Variants in MACROD2 observed in about 807,000 individuals in gnomAD.
MACROD2 encodes the protein ADP-ribose glycohydrolase MACROD2.
Under a neutral mutation model 70.4 loss-of-function variants are expected in MACROD2, and 36 were observed. The observed-to-expected ratio is 0.51, with a 90% CI of 0.39 to 0.68. MACROD2 has a LOEUF of 0.68. Among genes scored for constraint, MACROD2 ranks in the 30% least tolerant of loss-of-function variants. The probability of loss-of-function intolerance (pLI) is 0.00; values close to 1 mark genes in which losing one functional copy is unlikely to be tolerated. For synonymous variants in MACROD2, 172 were observed against 178.8 expected, an observed-to-expected ratio of 0.96 and a Z score of 0.30; for missense variants, 496 against 538.4, an observed-to-expected ratio of 0.92 and a Z score of 0.78.
chr20:15,255,209 A>G (rs529595431), intron 6 of MACROD2, among the ~76,000 whole-genome samples: 130 of 152,232 alleles, frequency 8.5e-4, no homozygotes, highest in Non-Finnish European at 1.6e-3. Flanking sequence ...CTTCATTTTT[A>G]TCCTGTACTC....
intron 3 of MACROD2, among the ~76,000 whole-genome samples, chr20:14,443,831 G>C (rs1455486013): frequency 6.6e-6 from 1 of 152,042 alleles, no homozygotes; most frequent in Admixed American, 6.5e-5. Flanking sequence ...TGCAAGATAG[G>C]AATAATCACA....
chr20:15,158,994 G>A (rs1162089051), intron 5 of MACROD2, among the ~76,000 whole-genome samples: 2 of 151,948 alleles, frequency 1.3e-5, no homozygotes, highest in Non-Finnish European at 2.9e-5. Context: ...CAAATGCATA[G>A]GCCAGTATCT....
rs553190441 is a variant in MACROD2, at chr20:14,577,217, T to A, written c.301+83709T>A. Among the ~76,000 whole-genome samples, 489 of 152,308 alleles carry A rather than the reference T, an allele frequency of 3.2e-3. 11 individuals carry two copies. The highest frequency in any genetic ancestry group is 2.9e-4 in the Non-Finnish European group (20 of 68,012). Reference sequence around the variant, plus strand: ...ATAATATTAAAACAAAGAGAGATTTTAAAATTCTAAAATGCTATATGTGAG... The same window carrying A: ...ATAATATTAAAACAAAGAGAGATTTAAAAATTCTAAAATGCTATATGTGAG... On this transcript the variant is annotated intron_variant, in intron 4 of 17. Coordinates refer to ENST00000684519, the MANE Select transcript of MACROD2 (RefSeq NM_001351661.2).
chr20:14,302,154 T>C (rs1264832104), intron 3 of MACROD2, among the ~76,000 whole-genome samples: 1 of 152,190 alleles, frequency 6.6e-6, no homozygotes, highest in African/African-American at 2.4e-5. Context: ...GACTGAAATC[T>C]AGATATCATC....
At chr20:15,823,388 A>G (rs1342703165) in intron 8 of MACROD2, among the ~76,000 whole-genome samples, 1 of 151,994 alleles carries the variant, frequency 6.6e-6, no homozygotes, top group Non-Finnish European at 1.5e-5. Context: ...AATAGAAAAG[A>G]GCTGCATTGA....
intron 8 of MACROD2, among the ~76,000 whole-genome samples, chr20:15,564,936 A>G (rs905529160): frequency 1.3e-5 from 2 of 152,244 alleles, no homozygotes; most frequent in Non-Finnish European, 2.9e-5. Context: ...ACAAAATTAT[A>G]GTGAGTAAAA....
At chr20:15,526,838 G>A (rs1002166378) in intron 8 of MACROD2, among the ~76,000 whole-genome samples, 23 of 152,142 alleles carry the variant, frequency 1.5e-4, no homozygotes, top group African/African-American at 5.3e-4. Context: ...TTCCTAGATA[G>A]CAAATAGAAG....
chr20:15,708,107 T>A (rs1189225609), intron 8 of MACROD2, among the ~76,000 whole-genome samples: 1 of 151,986 alleles, frequency 6.6e-6, no homozygotes, highest in Admixed American at 6.5e-5. Context: ...GTATTGGAGA[T>A]TTGAAATCGT....
intron 5 of MACROD2, among the ~76,000 whole-genome samples, chr20:14,943,563 C>T (rs1469325674): frequency 1.3e-5 from 2 of 152,070 alleles, no homozygotes; most frequent in East Asian, 3.9e-4. Context: ...TTTATTTCTA[C>T]TGTAGTTTTA....
intron 6 of MACROD2, among the ~76,000 whole-genome samples, chr20:15,407,322 G>A (rs1418625728): frequency 2.0e-5 from 3 of 152,156 alleles, no homozygotes; most frequent in Non-Finnish European, 4.4e-5. Context: ...GAAAAGTTGT[G>A]TTCTACAGAG....
chr20:15,121,655 T>G (rs1179020718), intron 5 of MACROD2, among the ~76,000 whole-genome samples: 1 of 152,202 alleles, frequency 6.6e-6, no homozygotes, highest in Non-Finnish European at 1.5e-5. Context: ...ATTATCTTTT[T>G]AAATCCTTAC....
At chr20:15,798,047 G>A (rs374309205) in intron 8 of MACROD2, among the ~76,000 whole-genome samples, 298 of 152,326 alleles carry the variant, frequency 2.0e-3, no homozygotes, top group African/African-American at 5.8e-3. Flanking sequence ...ATGAATGAAT[G>A]AGCATAGCTG....
intron 6 of MACROD2, among the ~76,000 whole-genome samples, chr20:15,370,206 TA>T (rs1463394386): frequency 1.3e-5 from 2 of 152,160 alleles, no homozygotes; most frequent in Non-Finnish European, 2.9e-5. Flanking sequence ...TTCATTGGCT[TA>T]AAATTTTGTT....
chr20:15,695,409 TTC>T (rs1491180224), intron 8 of MACROD2, among the ~76,000 whole-genome samples: 15,509 of 134,110 alleles, frequency 0.12, 705 homozygotes, highest in South Asian at 0.2. Context: ...TTTCTTCTTC[TTC>T]TTTTTTTTTT....
At chr20:15,082,698 G>T (rs1408669213) in intron 5 of MACROD2, among the ~76,000 whole-genome samples, 1 of 152,016 alleles carries the variant, frequency 6.6e-6, no homozygotes, top group African/African-American at 2.4e-5. Flanking sequence ...AATTAATGAA[G>T]ATTTACAATT....
chr20:15,525,898 A>G (rs765953449), intron 8 of MACROD2, among the ~76,000 whole-genome samples: 1 of 152,212 alleles, frequency 6.6e-6, no homozygotes, highest in Non-Finnish European at 1.5e-5. Flanking sequence ...TTCAACATCT[A>G]CTGGCTGCCA....
intron 5 of MACROD2, among the ~76,000 whole-genome samples, chr20:14,978,879 T>C (rs1257487098): frequency 1.6e-4 from 3 of 18,262 alleles, no homozygotes; most frequent in Non-Finnish European, 5.2e-4. Flanking sequence ...TTATATAATA[T>C]ATAAAATATA....
chr20:15,947,858 T>A (rs192914949), intron 12 of MACROD2, among the ~76,000 whole-genome samples: 312 of 152,316 alleles, frequency 2.0e-3, no homozygotes, highest in Non-Finnish European at 3.4e-3. Context: ...CTGGAATTTT[T>A]TCCACAAGAA....
chr20:15,632,847 C>T (rs1270270320), intron 8 of MACROD2, among the ~76,000 whole-genome samples: 2 of 151,108 alleles, frequency 1.3e-5, no homozygotes, highest in Admixed American at 6.6e-5. Flanking sequence ...TCCTTCTTCC[C>T]TCTCTCTTTT....
Sources: gnomAD v4.1 joint callset for allele counts (sites outside exome capture counted in the v4.1 genomes callset) on GRCh38, gnomAD v4.1.1 for gene constraint, MANE v1.5 for transcripts, NCBI Gene and HGNC (gene_info 2026-07-23, HGNC 2026-07-21) for gene names.